NCOA2: variants seen among roughly 807,000 people sequenced by gnomAD.
NCOA2 encodes class E basic helix-loop-helix protein 75.
In NCOA2, 21 loss-of-function variants were observed where a neutral mutation model predicts 145.1. That is an observed-to-expected ratio of 0.14 (90% CI 0.10 to 0.21). The LOEUF (loss-of-function observed/expected upper bound fraction) is 0.21. Ranked by LOEUF, NCOA2 falls within the 10% of genes least tolerant of loss-of-function variation. The pLI, the probability that NCOA2 is intolerant of heterozygous loss-of-function variation, is 1.00. For missense variants in NCOA2, 1,472 were observed against 1,837.6 expected, an observed-to-expected ratio of 0.80 and a Z score of 3.64; for synonymous variants, 619 against 637.5, an observed-to-expected ratio of 0.97 and a Z score of 0.44.
chr8:70,257,518 G>GA (rs1823731325), intron 2 of NCOA2, among the ~76,000 whole-genome samples: 1 of 152,194 alleles, frequency 6.6e-6, no homozygotes, highest in African/African-American at 2.4e-5. Flanking sequence ...GCACTAAGGA[G>GA]AAAGAGCAGC....
intron 1 of NCOA2, among the ~76,000 whole-genome samples, chr8:70,386,256 C>T (rs527437772): frequency 6.6e-5 from 10 of 152,322 alleles, no homozygotes; most frequent in Middle Eastern, 3.4e-3. Context: ...GATCTTGGAA[C>T]TACCACTTTG....
Position 70,112,920 on chromosome 8 carries a change from T to G in NCOA2, c.*712A>C, listed in dbSNP as rs367553006. 5 of 197,972 alleles carry G rather than the reference T, an allele frequency of 2.5e-5. No individual in the cohort carries two copies. The East Asian group carries it at 3.9e-4, about 15-fold the overall frequency. 12.3% of individuals were successfully genotyped at this position (197,972 alleles called of 1,614,324 possible). ...ATGATTCAGGTGAACCAGTTTGGTT[T>G]TAACAAAGAAAAAACAAGGAAAAAA... On this transcript the variant is annotated 3_prime_UTR_variant, in exon 23 of 23. Transcript: ENST00000452400.
At chr8:70,133,707 G>T (rs1475269318) in intron 15 of NCOA2, among the ~76,000 whole-genome samples, 1 of 152,192 alleles carries the variant, frequency 6.6e-6, no homozygotes, top group Non-Finnish European at 1.5e-5. Context: ...TCATTCTTAA[G>T]CAAGTCAGAA....
At chr8:70,414,867 A>C in the NCOA2 span, among the ~76,000 whole-genome samples, 12 of 152,212 alleles carry the variant, frequency 7.9e-5, no homozygotes, top group African/African-American at 2.9e-4. Flanking sequence ...AGGACTTGTT[A>C]TATTCATAAC....
At chr8:70,127,965 T>C (rs1241616320) in intron 18 of NCOA2, among the ~76,000 whole-genome samples, 1 of 152,222 alleles carries the variant, frequency 6.6e-6, no homozygotes, top group Non-Finnish European at 1.5e-5. Context: ...TGCAGTGCTC[T>C]CTAGTGTTCC....
At chr8:70,251,772 A>G (rs1277905679) in intron 2 of NCOA2, among the ~76,000 whole-genome samples, 2 of 152,248 alleles carry the variant, frequency 1.3e-5, no homozygotes, top group Admixed American at 1.3e-4. Context: ...ATGAACAACT[A>G]GAACTTTAAA....
intron 1 of NCOA2, among the ~76,000 whole-genome samples, chr8:70,356,668 T>C (rs555551259): frequency 6.6e-6 from 1 of 152,320 alleles, no homozygotes; most frequent in Non-Finnish European, 1.5e-5. Context: ...CAGAACGCTT[T>C]TCCTATTAGT....
At chr8:70,124,119 C>T in intron 20 of NCOA2, 37 bp from the exon 21 acceptor site, 1 of 1,589,708 alleles carries the variant, frequency 6.3e-7, no homozygotes, top group Non-Finnish European at 8.6e-7. Context: ...AATGTTACAG[C>T]TTGCTGGTAT....
At chr8:70,446,377 A>G in the NCOA2 span, among the ~76,000 whole-genome samples, 5 of 152,192 alleles carry the variant, frequency 3.3e-5, no homozygotes, top group African/African-American at 9.7e-5. Context: ...CTGTGGAAGA[A>G]TATAGGATTA....
At chr8:70,369,062 T>C (rs1810984212) in intron 1 of NCOA2, among the ~76,000 whole-genome samples, 1 of 152,224 alleles carries the variant, frequency 6.6e-6, no homozygotes, top group African/African-American at 2.4e-5. Context: ...TCATTATACA[T>C]TTACCCATTT....
the NCOA2 span, among the ~76,000 whole-genome samples, chr8:70,413,969 G>C: frequency 6.6e-6 from 1 of 151,834 alleles, no homozygotes; most frequent in East Asian, 1.9e-4. Context: ...TAAACCGAGT[G>C]GTAGGTATGT....
chr8:70,252,836 A>G (rs1823317724), intron 2 of NCOA2, among the ~76,000 whole-genome samples: 1 of 152,220 alleles, frequency 6.6e-6, no homozygotes, highest in Admixed American at 6.5e-5. Flanking sequence ...TTCTGAGGCA[A>G]ATAATTAATT....
At chr8:70,454,472 G>A in the NCOA2 span, among the ~76,000 whole-genome samples, 1 of 152,180 alleles carries the variant, frequency 6.6e-6, no homozygotes, top group African/African-American at 2.4e-5. Flanking sequence ...ACTGTATTTA[G>A]AGTCCCTAAC....
At chr8:70,153,671 T>A (rs1220242601) in intron 11 of NCOA2, among the ~76,000 whole-genome samples, 2 of 152,228 alleles carry the variant, frequency 1.3e-5, no homozygotes, top group East Asian at 3.8e-4. Context: ...GGATTACCAC[T>A]AGCTGTGTAG....
At chr8:70,267,289 G>A (rs908948588) in intron 2 of NCOA2, among the ~76,000 whole-genome samples, 8 of 151,746 alleles carry the variant, frequency 5.3e-5, no homozygotes, top group East Asian at 1.9e-4. Context: ...AGCATGCCTC[G>A]CACTCATTCA....
At chr8:70,221,555 T>C (rs1035830127) in intron 2 of NCOA2, among the ~76,000 whole-genome samples, 4 of 152,108 alleles carry the variant, frequency 2.6e-5, no homozygotes, top group Non-Finnish European at 5.9e-5. Flanking sequence ...GAAAAGAAAG[T>C]AGGCCAAACT....
chr8:70,231,906 C>T (rs143426872), intron 2 of NCOA2, among the ~76,000 whole-genome samples: 73 of 152,288 alleles, frequency 4.8e-4, no homozygotes, highest in Admixed American at 2.2e-3. Flanking sequence ...AAGCATTCTG[C>T]CATCAGACTA....
chr8:70,302,750 A>G (rs1292862990), intron 1 of NCOA2, among the ~76,000 whole-genome samples: 1 of 152,206 alleles, frequency 6.6e-6, no homozygotes, highest in East Asian at 1.9e-4. Flanking sequence ...TGAAAGTACA[A>G]TTAGTCATAA....
In NCOA2 at chr8:70,109,873, T is replaced by C. The variant is rs531591403; in HGVS notation, c.*3759A>G. 10 of 182,416 alleles carry C rather than the reference T, an allele frequency of 5.5e-5. No individual in the cohort carries two copies. The highest frequency in any genetic ancestry group is 2.0e-4 in the South Asian group (1 of 5,072). The allele number at this position is 182,416 out of a possible 1,614,324, so 11.3% of individuals were successfully genotyped here. Reference sequence around the variant, plus strand: ...CATTATTTAACATCAAATAAGCAAATAGCATCAGCAAAGCAATATTAACTT... The same window carrying C: ...CATTATTTAACATCAAATAAGCAAACAGCATCAGCAAAGCAATATTAACTT... On this transcript the variant is annotated 3_prime_UTR_variant, in exon 23 of 23. Transcript: ENST00000452400.
Sources: gnomAD v4.1 joint callset for allele counts (sites outside exome capture counted in the v4.1 genomes callset) on GRCh38, gnomAD v4.1.1 for gene constraint, MANE v1.5 for transcripts, NCBI Gene and HGNC (gene_info 2026-07-23, HGNC 2026-07-21) for gene names.